Variants in KASH5 observed in about 807,000 individuals in gnomAD.
The protein encoded by KASH5 is protein KASH5.
In KASH5, 72 loss-of-function variants were observed where a neutral mutation model predicts 84.2. That is an observed-to-expected ratio of 0.85 (90% CI 0.71 to 1.04). The LOEUF is 1.04. Among genes scored for constraint, KASH5 ranks in the 50% least tolerant of loss-of-function variants. KASH5 has a pLI of 0.00. For synonymous variants in KASH5, 260 were observed against 279.1 expected (o/e 0.93, Z 0.68); for missense variants, 650 against 701.0 (o/e 0.93, Z 0.82).
intron 7 of KASH5, 83 bp from the exon 8 acceptor site, chr19:49,398,942 A>C: frequency 2.0e-6 from 2 of 1,021,070 alleles, no homozygotes; most frequent in Non-Finnish European, 2.9e-6. Flanking sequence ...CTCTGTTGCT[A>C]GTGTCTCTCA....
Position 49,414,911 on chromosome 19 carries a change from A to G in KASH5, c.1329-40A>G, listed in dbSNP as rs1445963387. The G allele has an allele frequency of 1.9e-6, 3 of 1,600,916 alleles. No individual in the cohort carries two copies. The highest frequency in any genetic ancestry group is 2.6e-6 in the Non-Finnish European group (3 of 1,173,890). On this transcript the variant is annotated intron_variant, in intron 16 of 19. Coordinates refer to ENST00000447857, the MANE Select transcript of KASH5 (RefSeq NM_144688.5). This position sits in a 1 kb window ranked among gnomAD's most constrained non-coding sequence, Gnocchi z 4.5. ...CCATAGTAGGCAAAGGGAACCAGGG[A>G]GAAGAGGACGAAGCCAGCAGTGACT...
In KASH5 at chr19:49,409,279, G is replaced by C; in HGVS notation, c.1142G>C (p.Arg381Pro). Residue 381 changes from arginine (R) to proline (P), a missense_variant, in exon 14 of 20, where the codon CGA becomes CCA. Arg to Pro is a moderately radical substitution (Grantham distance 103). Coordinates refer to ENST00000447857, the MANE Select transcript of KASH5 (RefSeq NM_144688.5). ...PSLGLEIEAIRQKQEVATADL... is the reference protein window; with the variant it reads ...PSLGLEIEAIPQKQEVATADL... ...CTGGGCTTGGAGATCGAGGCCATTC[G>C]ACAGGTGGGCCTAACACCCCTGGAA... The C allele has an allele frequency of 6.2e-7, 1 of 1,613,634 alleles. No homozygotes were observed. The highest frequency in any genetic ancestry group is 8.5e-7 in the Non-Finnish European group (1 of 1,179,788).
chr19:49,413,325 G>A (rs933259291), intron 16 of KASH5, among the ~76,000 whole-genome samples: 1 of 152,186 alleles, frequency 6.6e-6, no homozygotes, highest in Admixed American at 6.5e-5. Flanking sequence ...TCCAGCTCAG[G>A]TACTTTGCAG....
In KASH5 at chr19:49,408,882, AGAACCCTG is replaced by A. The variant is rs568369642; in HGVS notation, c.994-81_994-74del. The A allele has an allele frequency of 3.3e-4, 472 of 1,425,118 alleles. 3 individuals are homozygous for A. The African/African-American group carries it at 5.8e-3, about 17-fold the overall frequency. 88.3% of individuals were successfully genotyped at this position (1,425,118 alleles called of 1,614,324 possible). A position where few individuals can be genotyped will look rare whatever the true frequency, so the allele number is the denominator to read the frequency against. On this transcript the variant is annotated intron_variant, in intron 12 of 19. Transcript: ENST00000447857. The stretch of plus-strand genomic sequence containing the variant: ...GCCCAAAGTAGTCAGGAAAGGGGAA[AGAACCCTG>A]GAAGAGGAGCCCAGAGGTGGATGGG...
In KASH5 at chr19:49,413,005, G is replaced by A. The variant is rs1974770362; in HGVS notation, c.1307G>A (p.Gly436Glu). 1.9e-6 allele frequency: 3 copies of A among 1,613,174 alleles called. No individual in the cohort carries two copies. The highest frequency in any genetic ancestry group is 1.7e-6 in the Non-Finnish European group (2 of 1,179,864). ...GGAGAGCCAGCGCACCCTGAAGAAG[G>A]AAGGAAGGAGCCATCCATGTGGTAA... is the stretch of plus-strand genomic sequence containing the variant. ...FQGEPAHPEE[G>E]RKEPSMWLTR... The change falls in exon 16 of 20, where the codon GGA becomes GAA. Residue 436 changes from glycine (G) to glutamate (E), a missense_variant. By Grantham distance (98) the Gly-to-Glu change is moderately conservative (BLOSUM62 -2). Coordinates refer to ENST00000447857, the MANE Select transcript of KASH5 (RefSeq NM_144688.5).
chr19:49,404,732 TCTCTA>T (rs1413719745), intron 9 of KASH5, among the ~76,000 whole-genome samples: 2 of 152,178 alleles, frequency 1.3e-5, no homozygotes, highest in Non-Finnish European at 2.9e-5. Context: ...TCTCTTAGCC[TCTCTA>T]CTCCTTTATA....
Position 49,409,791 on chromosome 19 carries a change from G to A in KASH5, c.1185G>A (p.Leu395=), listed in dbSNP as rs181055769. 5.0e-6 allele frequency: 8 copies of A among 1,613,986 alleles called. No individual in the cohort carries two copies. Among genetic ancestry groups the A allele is most frequent in the African/African-American group, 1.3e-5 (1 of 75,058 alleles). ...EVATADLSNP[L]CGVWQWEEVI... ...CAACTGCTGATCTCTCCAACCCTCT[G>A]TGTGGGGTGTGGCAGTGGGAGGAAG... is the stretch of plus-strand genomic sequence containing the variant. Residue 395 remains leucine, a synonymous_variant, in exon 15 of 20, where the codon CTG becomes CTA. Transcript: ENST00000447857.
At chr19:49,400,007 C>T (rs1161395788) in intron 9 of KASH5, among the ~76,000 whole-genome samples, 3 of 152,078 alleles carry the variant, frequency 2.0e-5, no homozygotes, top group African/African-American at 7.2e-5. Flanking sequence ...GCTGGGTGGA[C>T]CCCTTTAGCC....
At chr19:49,390,538 C>T (rs950321350) in intron 1 of KASH5, among the ~76,000 whole-genome samples, 8 of 152,138 alleles carry the variant, frequency 5.3e-5, no homozygotes, top group Non-Finnish European at 1.2e-4. Context: ...CCTGGACCGG[C>T]GGCAAGCCAT....
Position 49,390,775 on chromosome 19 carries a change from G to C in KASH5, c.-95-14G>C. On this transcript the variant is annotated splice_polypyrimidine_tract_variant and intron_variant, in intron 1 of 19. Coordinates refer to ENST00000447857, the MANE Select transcript of KASH5 (RefSeq NM_144688.5). ...GGCTGCTCTGAGGACACCATTTCCT[G>C]CTTCTCCTTCCAGGAGTGCTCGGGC... The C allele has an allele frequency of 9.0e-7, 1 of 1,110,020 alleles. No individual in the cohort carries two copies. Among genetic ancestry groups the C allele is most frequent in the Non-Finnish European group, 1.2e-6 (1 of 805,784 alleles). The allele number at this position is 1,110,020 out of a possible 1,614,324, so 68.8% of individuals were successfully genotyped here.
Position 49,395,919 on chromosome 19 carries a change from G to A in KASH5, c.400+86G>A, listed in dbSNP as rs1974161938. On this transcript the variant is annotated intron_variant, in intron 5 of 19. Coordinates refer to ENST00000447857, the MANE Select transcript of KASH5 (RefSeq NM_144688.5). The surrounding 1 kb of genome is among the most constrained non-coding windows in gnomAD (Gnocchi z 4.4). ...ACCACCCAGGGCAGAGCAAGGGATA[G>A]GGTAGGAACCAGGGACCTTTACTGT... The A allele has an allele frequency of 1.0e-5, 12 of 1,152,834 alleles. No individual in the cohort carries two copies. The South Asian group carries it at 1.6e-4, about 15-fold the overall frequency. The allele number at this position is 1,152,834 out of a possible 1,614,324, so 71.4% of individuals were successfully genotyped here.
Position 49,413,019 on chromosome 19 carries a change from T to G in KASH5, c.1321T>G (p.Ser441Ala). The G allele has an allele frequency of 6.2e-7, 1 of 1,612,824 alleles. No individual in the cohort carries two copies. The highest frequency in any genetic ancestry group is 8.5e-7 in the Non-Finnish European group (1 of 1,179,812). The change falls in exon 16 of 20, where the codon TCC (serine) becomes GCC (alanine). Residue 441 changes from serine to alanine, a missense_variant. Coordinates refer to ENST00000447857, the MANE Select transcript of KASH5 (RefSeq NM_144688.5). ...AHPEEGRKEP[S>A]MWLTRREEEE... ...CCCTGAAGAAGGAAGGAAGGAGCCA[T>G]CCATGTGGTAAGGAGCTGAGCCATC...
chr19:49,407,748 C>T, intron 12 of KASH5, 77 bp downstream of exon 12: 1 of 1,414,850 alleles, frequency 7.1e-7, no homozygotes, highest in Non-Finnish European at 9.8e-7. Flanking sequence ...GCTGCCTCTC[C>T]TCCTCGTGCC....
At chr19:49,394,882 A>T (rs188077509) in intron 3 of KASH5, 2 of 590,044 alleles carry the variant, frequency 3.4e-6, no homozygotes, top group Admixed American at 6.1e-5. Context: ...CCCTATGTCC[A>T]TCCCCTTTGG....
At chr19:49,410,295 G>T (rs988455131) in intron 15 of KASH5, among the ~76,000 whole-genome samples, 3 of 152,170 alleles carry the variant, frequency 2.0e-5, no homozygotes, top group African/African-American at 7.2e-5. Flanking sequence ...AGCTCACTAT[G>T]ACATCTTTAA....
Position 49,417,543 on chromosome 19 carries a change from G to A in KASH5, c.*33G>A, listed in dbSNP as rs762929462. On this transcript the variant is annotated 3_prime_UTR_variant, in exon 20 of 20. Coordinates refer to ENST00000447857, the MANE Select transcript of KASH5 (RefSeq NM_144688.5). This position sits in a 1 kb window ranked among gnomAD's most constrained non-coding sequence, Gnocchi z 5.2. ...TACTTGCCCCTCAGAGCAGTGTCTAGCTCAATAAATCCCCTGGCCCTCTCT... is the reference window on the plus strand; with the variant it reads ...TACTTGCCCCTCAGAGCAGTGTCTAACTCAATAAATCCCCTGGCCCTCTCT... The A allele has an allele frequency of 9.4e-6, 14 of 1,492,670 alleles. No homozygotes were observed. The highest frequency in any genetic ancestry group is 1.3e-5 in the Non-Finnish European group (14 of 1,115,930). The allele number at this position is 1,492,670 out of a possible 1,614,324, so 92.5% of individuals were successfully genotyped here.
In KASH5 at chr19:49,415,012, C is replaced by T; in HGVS notation, c.1374+16C>T. 6 of 1,607,560 alleles carry T rather than the reference C, an allele frequency of 3.7e-6. No homozygotes were observed. Among genetic ancestry groups the T allele is most frequent in the South Asian group, 1.1e-5 (1 of 89,436 alleles). On this transcript the variant is annotated intron_variant, in intron 17 of 19. Coordinates refer to ENST00000447857, the MANE Select transcript of KASH5 (RefSeq NM_144688.5). ...CCAGGTCACGGTAGGCAGTCCCCAG[C>T]ACCCCTCCCCAGTCCCCATCCACTC...
intron 11 of KASH5, 123 bp from the exon 12 acceptor site, chr19:49,407,489 T>C: frequency 8.5e-7 from 1 of 1,181,528 alleles, no homozygotes; most frequent in Non-Finnish European, 1.2e-6. Context: ...CTCTCCCTTG[T>C]GCCCCAGCTC....
intron 9 of KASH5, among the ~76,000 whole-genome samples, chr19:49,400,664 C>G (rs1454603752): frequency 6.6e-6 from 1 of 152,110 alleles, no homozygotes; most frequent in African/African-American, 2.4e-5. Context: ...GCTGGGATTA[C>G]AGACATGAGC....
Sources: allele counts gnomAD v4.1 joint callset (sites outside exome capture counted in the v4.1 genomes callset), GRCh38; gene constraint gnomAD v4.1.1; non-coding constraint Gnocchi (gnomAD v3.1); transcripts MANE v1.5; gene names NCBI Gene and HGNC (gene_info 2026-07-23, HGNC 2026-07-21).